Variants in PREP observed in about 807,000 individuals in gnomAD.
PREP encodes prolyl endopeptidase.
Under a neutral mutation model 87.6 loss-of-function variants are expected in PREP, and 29 were observed. The observed-to-expected ratio is 0.33, with a 90% CI of 0.25 to 0.45. PREP has a LOEUF of 0.45. PREP is among the 20% of genes least tolerant of loss of function. The pLI, the probability that PREP is intolerant of heterozygous loss-of-function variation, is 1.00. For missense variants in PREP, 695 were observed against 886.5 expected (o/e 0.78, Z 2.74); for synonymous variants, 337 against 328.6 (o/e 1.03, Z -0.28).
intron 13 of PREP, 112 bp downstream of exon 13, chr6:105,282,339 C>A (rs1449668084): frequency 2.0e-5 from 27 of 1,333,812 alleles, no homozygotes; most frequent in Admixed American, 9.3e-5. Flanking sequence ...TCTCCTTATA[C>A]CACTTTGTGG....
rs940155389 is a variant in PREP, at chr6:105,351,658, CAT to C, written c.823+1312_823+1313del. ...AGAATTTTATTCTCTATATTTGGAA[CAT>C]GTGTGCAGGATAACAGCACCATAAT... On this transcript the variant is annotated intron_variant, in intron 7 of 14. Transcript: ENST00000652536. Among the ~76,000 whole-genome samples the C allele has an allele frequency of 2.0e-4, 31 of 152,262 alleles. 1 individual carries two copies. Among genetic ancestry groups the C allele is most frequent in the African/African-American group, 7.5e-4 (31 of 41,548 alleles).
intron 10 of PREP, among the ~76,000 whole-genome samples, chr6:105,316,545 A>G (rs1469183668): frequency 6.6e-6 from 1 of 152,252 alleles, no homozygotes; most frequent in African/African-American, 2.4e-5. Context: ...AGACTTGTTC[A>G]ACACAAGGTT....
At chr6:105,367,430 T>C (rs955106658) in intron 6 of PREP, among the ~76,000 whole-genome samples, 6 of 151,792 alleles carry the variant, frequency 4.0e-5, no homozygotes, top group Admixed American at 2.0e-4. Context: ...AAACGGACAA[T>C]TGGGAGGCCG....
intron 2 of PREP, among the ~76,000 whole-genome samples, chr6:105,387,636 AG>A (rs1366666929): frequency 6.7e-6 from 1 of 148,568 alleles, no homozygotes; most frequent in Non-Finnish European, 1.5e-5. Flanking sequence ...AAAGAAAAAA[AG>A]AAAAAGAAAA....
chr6:105,365,620 T>C (rs1772364973), intron 6 of PREP, among the ~76,000 whole-genome samples: 1 of 152,026 alleles, frequency 6.6e-6, no homozygotes, highest in Admixed American at 6.5e-5. Context: ...CACATACAGC[T>C]GGGTTGGGAA....
chr6:105,323,696 C>T lies in PREP; in HGVS notation c.1286G>A (p.Gly429Glu). Residue 429 changes from glycine to glutamate, a missense_variant, in exon 10 of 15, where the codon GGA (glycine) becomes GAA (glutamate). Gly to Glu is a moderately conservative substitution (Grantham distance 98). Transcript: ENST00000652536. ...PRVFREVTVK[G>E]IDASDYQTVQ... The stretch of plus-strand genomic sequence containing the variant: ...TGTCTGGTAATCAGAAGCATCAATT[C>T]CTTTTACGGTCACCTCTCGGAAAAC... 1.9e-6 allele frequency: 3 copies of T among 1,613,022 alleles called. No individual in the cohort carries two copies. The highest frequency in any genetic ancestry group is 1.7e-5 in the Admixed American group (1 of 60,028).
rs756061213 is a variant in PREP, at chr6:105,369,030, G to A, written c.596-6C>T. 4.5e-5 allele frequency: 72 copies of A among 1,613,426 alleles called. No individual in the cohort carries two copies. The highest frequency in any genetic ancestry group is 3.3e-4 in the Middle Eastern group (2 of 6,078). ...ATTGGTAGATGTCTCTGTGCCTGAA[G>A]GAGTTAAAAATGTACACTGAAATGT... On this transcript the variant is annotated splice_region_variant and splice_polypyrimidine_tract_variant and intron_variant, in intron 5 of 14. Transcript: ENST00000652536.
At chr6:105,293,535 CAT>C (rs149181710) in intron 10 of PREP, among the ~76,000 whole-genome samples, 6,878 of 149,172 alleles carry the variant, frequency 0.046, 219 homozygotes, top group African/African-American at 0.091. Flanking sequence ...TGAATAAGCA[CAT>C]GTTGTTGAAA....
At chr6:105,386,491 T>C (rs1055684888) in intron 2 of PREP, among the ~76,000 whole-genome samples, 4 of 152,092 alleles carry the variant, frequency 2.6e-5, no homozygotes, top group Non-Finnish European at 5.9e-5. Context: ...CTGATTCAAA[T>C]GGTCAGAGGA....
In PREP at chr6:105,333,456, G is replaced by A. The variant is rs775375640; in HGVS notation, c.873C>T (p.Asp291=). ...ACACCGTCCCCTCATTGGTCACGTA[G>A]TCATATTCCCCTTCAAAGTTGTCAA... ...KLIDNFEGEY[D]YVTNEGTVFT... Residue 291 remains aspartate, a synonymous_variant, in exon 8 of 15, where the codon GAC becomes GAT. Coordinates refer to ENST00000652536, the MANE Select transcript of PREP (RefSeq NM_002726.5). 5 of 1,614,054 alleles carry A rather than the reference G, an allele frequency of 3.1e-6. No individual in the cohort carries two copies. The African/African-American group carries it at 4.0e-5, about 13-fold the overall frequency.
chr6:105,302,718 C>T, intron 10 of PREP: 1 of 514,648 alleles, frequency 1.9e-6, no homozygotes, highest in South Asian at 1.6e-5. Flanking sequence ...CGCCGCCTGT[C>T]AGTGGCGATG....
At chr6:105,293,484 T>G (rs981498076) in intron 10 of PREP, among the ~76,000 whole-genome samples, 1 of 152,038 alleles carries the variant, frequency 6.6e-6, no homozygotes, top group Non-Finnish European at 1.5e-5. Context: ...ATGAAAAGCT[T>G]TGAAGTATTT....
chr6:105,342,706 T>G (rs1324821354), intron 7 of PREP, among the ~76,000 whole-genome samples: 2 of 152,190 alleles, frequency 1.3e-5, no homozygotes, highest in African/African-American at 4.8e-5. Flanking sequence ...AAAGTCAGTG[T>G]GCAAAAATCA....
intron 10 of PREP, chr6:105,322,566 T>G: frequency 1.0e-6 from 1 of 986,404 alleles, no homozygotes; most frequent in South Asian, 4.7e-5. Flanking sequence ...TCTGCAAACT[T>G]TTTCTTAAAG....
rs748000506 is a variant in PREP at position 105,369,023 on chromosome 6, G to A, written c.597C>T (p.Gly199=). The A allele has an allele frequency of 6.2e-7, 1 of 1,613,726 alleles. No individual in the cohort carries two copies. The highest frequency in any genetic ancestry group is 1.1e-5 in the South Asian group (1 of 91,048). ...SYPQQDGKSD[G]TETSTNLHQK... ...GGTGGAGATTGGTAGATGTCTCTGT[G>A]CCTGAAGGAGTTAAAAATGTACACT... The change falls in exon 6 of 15, where the codon GGC becomes GGT. Residue 199 remains glycine (G), a splice_region_variant and synonymous_variant. Coordinates refer to ENST00000652536, the MANE Select transcript of PREP (RefSeq NM_002726.5).
chr6:105,373,486 C>T lies in PREP; in HGVS notation c.478G>A (p.Gly160Ser). ...WVTIKFMKVD[G>S]AKELPDVLER... The stretch of plus-strand genomic sequence containing the variant: ...AGCACATCTGGAAGCTCTTTGGCAC[C>T]ATCAACTTTCATGAACTTGATTGTC... Residue 160 changes from glycine (G) to serine (S), a missense_variant, in exon 5 of 15, where the codon GGT becomes AGT. By Grantham distance (56) the Gly-to-Ser change is moderately conservative. Transcript: ENST00000652536. 6.2e-7 allele frequency: 1 copy of T among 1,614,186 alleles called. No individual in the cohort carries two copies. The highest frequency in any genetic ancestry group is 8.5e-7 in the Non-Finnish European group (1 of 1,180,030).
chr6:105,309,200 G>C (rs1770709725), intron 10 of PREP, among the ~76,000 whole-genome samples: 1 of 152,044 alleles, frequency 6.6e-6, no homozygotes, highest in Admixed American at 6.5e-5. Context: ...GATCACGAGG[G>C]CTAGGCTATT....
chr6:105,371,717 A>G (rs1772553861), intron 5 of PREP, among the ~76,000 whole-genome samples: 2 of 152,056 alleles, frequency 1.3e-5, no homozygotes, highest in Non-Finnish European at 2.9e-5. Context: ...ATTGTCATTG[A>G]GCTTTCAGGG....
intron 7 of PREP, among the ~76,000 whole-genome samples, chr6:105,347,374 G>A (rs1232866579): frequency 6.6e-6 from 1 of 152,134 alleles, no homozygotes; most frequent in Non-Finnish European, 1.5e-5. Context: ...ATTAATGCAT[G>A]TCTAATTCAT....
Sources: allele counts gnomAD v4.1 joint callset (sites outside exome capture counted in the v4.1 genomes callset), GRCh38; gene constraint gnomAD v4.1.1; transcripts MANE v1.5; gene names NCBI Gene and HGNC (gene_info 2026-07-23, HGNC 2026-07-21).